The following MEI1 variants were observed in gnomAD, a reference collection of about 807,000 sequenced individuals.
MEI1 encodes the protein meiotic double-stranded break formation protein 1.
In MEI1, 103 loss-of-function variants were observed where a neutral mutation model predicts 146.2. The ratio of observed to expected loss-of-function variants is 0.70; its 90% CI spans 0.60 to 0.83. The LOEUF (loss-of-function observed/expected upper bound fraction) is 0.83. Among genes scored for constraint, MEI1 ranks in the 40% least tolerant of loss-of-function variants. The pLI is 0.00. For synonymous variants in MEI1, 652 were observed against 628.2 expected, an observed-to-expected ratio of 1.04 and a Z score of -0.57; for missense variants, 1,529 against 1,533.0, an observed-to-expected ratio of 1.00 and a Z score of 0.04.
At chr22:41,741,033 G>T (rs1335993912) in intron 11 of MEI1, among the ~76,000 whole-genome samples, 4 of 152,106 alleles carry the variant, frequency 2.6e-5, no homozygotes. Flanking sequence ...GCCTCAGCCT[G>T]CCGAGTAGCT....
chr22:41,738,779 AAATAAAT>A (rs1344063995), intron 11 of MEI1, among the ~76,000 whole-genome samples: 1,418 of 131,734 alleles, frequency 0.011, 29 homozygotes, highest in African/African-American at 0.041. Context: ...TCAAAAAAAA[AAATAAAT>A]AAATAAATAA....
At chr22:41,765,912 C>T (rs993601562) in intron 19 of MEI1, among the ~76,000 whole-genome samples, 7 of 111,194 alleles carry the variant, frequency 6.3e-5, no homozygotes, top group African/African-American at 2.2e-4. Flanking sequence ...TTTTTTTAGA[C>T]GGAGTCTTGC....
At chr22:41,738,094 C>T (rs537007658) in intron 11 of MEI1, among the ~76,000 whole-genome samples, 1 of 152,084 alleles carries the variant, frequency 6.6e-6, no homozygotes, top group Non-Finnish European at 1.5e-5. Context: ...GTAGGAGGAT[C>T]GCTTGAGGCT....
At chr22:41,712,298 G>A (rs1321947035) in intron 3 of MEI1, among the ~76,000 whole-genome samples, 3 of 150,272 alleles carry the variant, frequency 2.0e-5, no homozygotes, top group Non-Finnish European at 3.0e-5. Context: ...GCAGTGGCGC[G>A]ATCTTGGCTC....
At chr22:41,768,272 C>G (rs921567308) in intron 19 of MEI1, among the ~76,000 whole-genome samples, 4 of 151,962 alleles carry the variant, frequency 2.6e-5, no homozygotes, top group Non-Finnish European at 5.9e-5. Context: ...GTCCCAGCTA[C>G]TCGGGAGGCT....
intron 12 of MEI1, 79 bp downstream of exon 12, chr22:41,743,273 C>T (rs568939789): frequency 1.0e-6 from 1 of 962,646 alleles, no homozygotes; most frequent in South Asian, 1.5e-5. Flanking sequence ...TATTCCCTTA[C>T]TTTTGTATGC....
chr22:41,750,677 G>T (rs2073687810), intron 15 of MEI1, among the ~76,000 whole-genome samples: 1 of 152,214 alleles, frequency 6.6e-6, no homozygotes, highest in Non-Finnish European at 1.5e-5. Context: ...GAGCAGTAGA[G>T]AGACTGGTTG....
Position 41,776,195 on chromosome 22 carries a change from G to A in MEI1, c.2638G>A (p.Gly880Ser), listed in dbSNP as rs1001047732. ...LRRNEDIQVGGLIRGHFLLIL... is the reference protein window; with the variant it reads ...LRRNEDIQVGSLIRGHFLLIL... ...GAGGAATGAGGATATCCAAGTGGGC[G>A]GTCTTATCCGAGGCCACTTCCTGCT... The change falls in exon 21 of 31, where the codon GGT becomes AGT. Residue 880 changes from glycine to serine, a missense_variant. By Grantham distance (56) the Gly-to-Ser change is moderately conservative (BLOSUM62 0). Transcript: ENST00000401548. The A allele has an allele frequency of 9.9e-6, 16 of 1,613,966 alleles. No individual in the cohort carries two copies. The highest frequency in any genetic ancestry group is 2.2e-5 in the East Asian group (1 of 44,868).
rs750479044 is a variant in MEI1 at position 41,746,021 on chromosome 22, G to A, written c.1675G>A (p.Val559Met). ...SACDSLCIPM[V>M]MRHLEQTTHP... Reference sequence around the variant, plus strand: ...CTGTGACTCGCTGTGTATCCCCATGGTGATGGTGGGTTCTCCTGAGCCACG... The same window carrying A: ...CTGTGACTCGCTGTGTATCCCCATGATGATGGTGGGTTCTCCTGAGCCACG... The change falls in exon 14 of 31, where the codon GTG (valine) becomes ATG (methionine). Residue 559 changes from valine to methionine, a missense_variant. Physicochemically the swap from Val to Met is conservative, Grantham distance 21. Coordinates refer to ENST00000401548, the MANE Select transcript of MEI1 (RefSeq NM_152513.4). 1.3e-6 allele frequency: 2 copies of A among 1,594,802 alleles called. No individual in the cohort carries two copies. Among genetic ancestry groups the A allele is most frequent in the Admixed American group, 1.8e-5 (1 of 56,744 alleles).
At chr22:41,712,691 T>TGTGC (rs1384684702) in intron 3 of MEI1, among the ~76,000 whole-genome samples, 2 of 150,902 alleles carry the variant, frequency 1.3e-5, no homozygotes, top group African/African-American at 4.9e-5. Flanking sequence ...TGTGTGTGTG[T>TGTGC]GTGTGTGTGT....
intron 6 of MEI1, among the ~76,000 whole-genome samples, chr22:41,719,796 T>G (rs1411493756): frequency 1.3e-5 from 2 of 152,306 alleles, no homozygotes; most frequent in East Asian, 3.9e-4. Flanking sequence ...GTCTATCAAC[T>G]GTTCTAAGCA....
intron 12 of MEI1, 140 bp from the exon 13 acceptor site, chr22:41,744,833 A>T (rs1269600838): frequency 7.8e-6 from 3 of 384,608 alleles, no homozygotes; most frequent in Non-Finnish European, 1.4e-5. Context: ...GCAAGGATAT[A>T]GCCAAGATCT....
intron 20 of MEI1, 137 bp from the exon 21 acceptor site, chr22:41,775,965 G>T (rs968212182): frequency 1.1e-5 from 9 of 791,424 alleles, no homozygotes; most frequent in Non-Finnish European, 1.8e-5. Flanking sequence ...TACATAATAG[G>T]TGCTGAGTAA....
At chr22:41,720,183 G>C (rs976279521) in intron 6 of MEI1, among the ~76,000 whole-genome samples, 1 of 152,234 alleles carries the variant, frequency 6.6e-6, no homozygotes, top group Non-Finnish European at 1.5e-5. Context: ...AGGATGCCTG[G>C]ACTGAGTCCT....
At chr22:41,705,318 C>G (rs2069005883) in intron 2 of MEI1, among the ~76,000 whole-genome samples, 186 bp from the exon 3 acceptor site, 1 of 151,614 alleles carries the variant, frequency 6.6e-6, no homozygotes, top group African/African-American at 2.4e-5. Context: ...ACTACAGGCA[C>G]AGGCCACTAC....
chr22:41,760,485 G>A (rs866744847), intron 18 of MEI1, among the ~76,000 whole-genome samples: 21 of 152,144 alleles, frequency 1.4e-4, no homozygotes, highest in Middle Eastern at 3.4e-3. Flanking sequence ...CTCCAGCCTC[G>A]GTGACGGAGT....
chr22:41,758,686 T>C (rs1337968761), intron 18 of MEI1, 153 bp downstream of exon 18: 7 of 765,580 alleles, frequency 9.1e-6, no homozygotes, highest in Non-Finnish European at 1.4e-5. Flanking sequence ...GAGGCTCATA[T>C]CTTAGAAGTG....
At chr22:41,723,835 T>C in intron 6 of MEI1, 108 bp from the exon 7 acceptor site, 1 of 1,319,206 alleles carries the variant, frequency 7.6e-7, no homozygotes, top group Non-Finnish European at 1.0e-6. Context: ...TTCTTCATAT[T>C]TGTAGAGGGA....
In MEI1 at chr22:41,770,713, C is replaced by T. The variant is rs1031619259; in HGVS notation, c.2296C>T (p.Leu766=). 3.7e-6 allele frequency: 6 copies of T among 1,613,842 alleles called. No individual in the cohort carries two copies. In the South Asian group the frequency reaches 5.5e-5, roughly 15 times the overall value. ...TATGGTCAGTGCAATCAGAAAATTC[C>T]TAGAAGGCATCCCAGACCTGCAGCT... is the stretch of plus-strand genomic sequence containing the variant. ...ETMVSAIRKF[L]EGIPDLQLVY... Residue 766 remains leucine (L), a synonymous_variant, in exon 20 of 31, where the codon CTA becomes TTA. Transcript: ENST00000401548.
Sources: allele counts gnomAD v4.1 joint callset (sites outside exome capture counted in the v4.1 genomes callset), GRCh38; gene constraint gnomAD v4.1.1; transcripts MANE v1.5; gene names NCBI Gene and HGNC (gene_info 2026-07-23, HGNC 2026-07-21).